The following SMG6 variants were observed in gnomAD, a reference collection of about 807,000 sequenced individuals.
SMG6 encodes the protein SMG6 nonsense mediated mRNA decay factor.
A neutral mutation model predicts 142.2 loss-of-function variants in SMG6; 66 were observed. That is an observed-to-expected ratio of 0.46 (90% CI 0.38 to 0.57). The LOEUF (loss-of-function observed/expected upper bound fraction) is 0.57. SMG6 is among the 20% of genes least tolerant of loss of function. SMG6 has a pLI of 0.00. For missense variants in SMG6, 1,793 were observed against 1,832.0 expected, an observed-to-expected ratio of 0.98 and a Z score of 0.39; for synonymous variants, 779 against 702.4, an observed-to-expected ratio of 1.11 and a Z score of -1.72.
chr17:2,256,340 G>A (rs1597722938), intron 8 of SMG6, among the ~76,000 whole-genome samples: 2 of 152,056 alleles, frequency 1.3e-5, no homozygotes, highest in African/African-American at 4.8e-5. Context: ...ACAGAGGGAG[G>A]GAAGATGTGA....
intron 6 of SMG6, among the ~76,000 whole-genome samples, chr17:2,288,789 G>GGTGTGAGTA (rs2074965283): frequency 6.6e-6 from 1 of 151,054 alleles, no homozygotes; most frequent in Non-Finnish European, 1.5e-5. Flanking sequence ...AAATTAGCCA[G>GGTGTGAGTA]GCGTGAGCAG....
At chr17:2,190,453 A>C (rs1216611660) in intron 10 of SMG6, among the ~76,000 whole-genome samples, 1 of 152,236 alleles carries the variant, frequency 6.6e-6, no homozygotes, top group Non-Finnish European at 1.5e-5. Context: ...GACCCTGGAC[A>C]GGGATAAGAC....
chr17:2,299,818 G>A lies in SMG6; in HGVS notation c.935C>T (p.Pro312Leu), dbSNP rs2075233158. ...DSLDEDRIDE[P>L]DGLGPRRSSE... ...ACTTCTCCTGGGTCCTAATCCATCA[G>A]GCTCATCAATTCTGTCCTCGTCTAA... The change falls in exon 2 of 19, where the codon CCT (proline) becomes CTT (leucine). Residue 312 changes from proline (P) to leucine (L), a missense_variant. By Grantham distance (98) the Pro-to-Leu change is moderately conservative. Around this residue, in one of 3 missense-constraint regions of SMG6, gnomAD observed 1,597 missense variants for 1,584.6 expected, o/e 1.01. Transcript: ENST00000263073. The surrounding 1 kb of genome is among the most constrained non-coding windows in gnomAD (Gnocchi z 4.3). 6.2e-7 allele frequency: 1 copy of A among 1,614,070 alleles called. No individual in the cohort carries two copies. The highest frequency in any genetic ancestry group is 1.1e-5 in the South Asian group (1 of 91,090).
intron 13 of SMG6, among the ~76,000 whole-genome samples, chr17:2,107,608 G>A (rs1419043012): frequency 6.6e-6 from 1 of 152,124 alleles, no homozygotes; most frequent in Non-Finnish European, 1.5e-5. Context: ...TCTTGGGCTG[G>A]GGCAGCTCCT....
chr17:2,215,808 G>A (rs957308325), intron 10 of SMG6: 10 of 147,304 alleles, frequency 6.8e-5, no homozygotes, highest in South Asian at 2.2e-4. Context: ...TTAATTCTAC[G>A]TCTGGCCTGG....
intron 13 of SMG6, among the ~76,000 whole-genome samples, chr17:2,153,914 C>T (rs916177295): frequency 1.5e-5 from 2 of 129,918 alleles, no homozygotes; most frequent in Non-Finnish European, 3.2e-5. Context: ...TAGAGTGTGA[C>T]GGTGACGGGG....
chr17:2,231,213 C>T (rs1490256861), intron 10 of SMG6, among the ~76,000 whole-genome samples: 2 of 152,150 alleles, frequency 1.3e-5, no homozygotes, highest in Admixed American at 6.5e-5. Flanking sequence ...AAGGACACTT[C>T]GGTTGCGAAC....
intron 13 of SMG6, among the ~76,000 whole-genome samples, chr17:2,130,277 A>AG: frequency 6.8e-6 from 1 of 146,988 alleles, no homozygotes; most frequent in East Asian, 1.9e-4. Flanking sequence ...AAAAAAAAAA[A>AG]AAAAAAAGAA....
At chr17:2,163,387 C>T (rs1411935367) in intron 13 of SMG6, among the ~76,000 whole-genome samples, 1 of 151,896 alleles carries the variant, frequency 6.6e-6, no homozygotes, top group African/African-American at 2.4e-5. Context: ...GCTGTGTTTC[C>T]CAGGCTGGTC....
chr17:2,236,386 G>A (rs1337240188), intron 10 of SMG6, 106 bp downstream of exon 10: 4 of 1,122,554 alleles, frequency 3.6e-6, no homozygotes, highest in African/African-American at 1.5e-5. Context: ...TGTGTTCGGG[G>A]GTGGGGTGGG....
chr17:2,104,866 T>C (rs943386866), intron 13 of SMG6, among the ~76,000 whole-genome samples: 2 of 152,088 alleles, frequency 1.3e-5, no homozygotes, highest in Admixed American at 6.6e-5. Flanking sequence ...TATGGCCTCT[T>C]ATGAAGGTAA....
chr17:2,072,799 T>C (rs984884603), intron 15 of SMG6: 1 of 152,204 alleles, frequency 6.6e-6, no homozygotes, highest in African/African-American at 2.4e-5. Flanking sequence ...GGGTGAAGAA[T>C]CATTCATCCC....
At chr17:2,211,797 C>T (rs1017096435) in intron 10 of SMG6, among the ~76,000 whole-genome samples, 1 of 152,094 alleles carries the variant, frequency 6.6e-6, no homozygotes, top group Non-Finnish European at 1.5e-5. Context: ...ACGGCTATGC[C>T]ATATTCTTCA....
At chr17:2,127,356 T>C in intron 13 of SMG6, 1 of 551,212 alleles carries the variant, frequency 1.8e-6, no homozygotes, top group East Asian at 4.1e-5. Flanking sequence ...TTAATGCCAC[T>C]GAGTTGTACA....
chr17:2,093,665 CCTGG>C (rs1193669276), intron 13 of SMG6, among the ~76,000 whole-genome samples: 1 of 152,112 alleles, frequency 6.6e-6, no homozygotes, highest in African/African-American at 2.4e-5. Context: ...GGAATGCTTA[CCTGG>C]CTGTTGAAGC....
intron 13 of SMG6, among the ~76,000 whole-genome samples, chr17:2,145,811 G>A (rs2070652321): frequency 1.3e-5 from 2 of 151,984 alleles, no homozygotes; most frequent in South Asian, 2.1e-4. Context: ...TCAATTAGGT[G>A]ACTGTTGGTA....
At chr17:2,193,485 G>C (rs2072228113) in intron 10 of SMG6, among the ~76,000 whole-genome samples, 2 of 152,116 alleles carry the variant, frequency 1.3e-5, no homozygotes, top group Admixed American at 6.5e-5. Flanking sequence ...TCCTCCCTAG[G>C]AGCCCTCGCT....
At chr17:2,166,381 C>G (rs534362358) in intron 13 of SMG6, among the ~76,000 whole-genome samples, 9 of 131,296 alleles carry the variant, frequency 6.9e-5, no homozygotes, top group Non-Finnish European at 1.5e-4. Flanking sequence ...GAATGTAGCA[C>G]GCAAATAGAG....
intron 18 of SMG6, chr17:2,062,818 G>C (rs1318091358): frequency 6.6e-6 from 1 of 152,386 alleles, no homozygotes; most frequent in South Asian, 2.1e-4. Flanking sequence ...TCCAGGCAGG[G>C]AGGCTGAGAA....
Sources: allele counts gnomAD v4.1 joint callset (sites outside exome capture counted in the v4.1 genomes callset), GRCh38; gene constraint gnomAD v4.1.1; regional missense constraint gnomAD v4.1.1; non-coding constraint Gnocchi (gnomAD v3.1); transcripts MANE v1.5; gene names NCBI Gene and HGNC (gene_info 2026-07-23, HGNC 2026-07-21).